Variants in ZNF430 observed in about 807,000 individuals in gnomAD.
ZNF430 encodes zinc finger protein 430.
A neutral mutation model predicts 56.7 loss-of-function variants in ZNF430; 35 were observed. That is an observed-to-expected ratio of 0.62 (90% CI 0.47 to 0.82). The LOEUF (loss-of-function observed/expected upper bound fraction) is 0.82. Among genes scored for constraint, ZNF430 ranks in the 40% least tolerant of loss-of-function variants. ZNF430 has a pLI of 0.00. For missense variants in ZNF430, 574 were observed against 661.0 expected (o/e 0.87, Z 1.44); for synonymous variants, 212 against 224.3 (o/e 0.94, Z 0.49).
At chr19:21,054,338 C>T (rs1366830893) in intron 4 of ZNF430, among the ~76,000 whole-genome samples, 1 of 151,306 alleles carries the variant, frequency 6.6e-6, no homozygotes, top group Non-Finnish European at 1.5e-5. Flanking sequence ...ATACGGAGTA[C>T]CAATGCACTT....
At chr19:21,046,758 C>A (rs1968191521) in intron 4 of ZNF430, among the ~76,000 whole-genome samples, 1 of 151,950 alleles carries the variant, frequency 6.6e-6, no homozygotes, top group Non-Finnish European at 1.5e-5. Context: ...TCTCTGGCTG[C>A]CTTATCATTT....
At position 21,057,740 on chromosome 19, in the gene ZNF430, A is replaced by G. The variant is rs375929956; in HGVS notation, c.1432A>G (p.Ile478Val). 5.6e-6 allele frequency: 9 copies of G among 1,605,612 alleles called. No homozygotes were observed. Among genetic ancestry groups the G allele is most frequent in the African/African-American group, 4.0e-5 (3 of 74,704 alleles). Reference sequence around the variant, plus strand: ...CCCAAAACTTACTGCACATAAGGTAATTCATTCTGGAGAGAAACCCTACAA... The same window carrying G: ...CCCAAAACTTACTGCACATAAGGTAGTTCATTCTGGAGAGAAACCCTACAA... ...RSPKLTAHKV[I>V]HSGEKPYKCE... is the part of the protein sequence containing the mutation. Residue 478 changes from isoleucine (I) to valine (V), a missense_variant, in exon 5 of 5, where the codon ATT (isoleucine) becomes GTT (valine). Ile to Val is a conservative substitution (Grantham distance 29, BLOSUM62 3). Transcript: ENST00000261560.
At chr19:21,037,840 ATGTCATTTCAAATGCTT>A (rs1422961861) in intron 4 of ZNF430, among the ~76,000 whole-genome samples, 1 of 152,118 alleles carries the variant, frequency 6.6e-6, no homozygotes, top group Non-Finnish European at 1.5e-5. Context: ...TTAATTTTGC[ATGTCATTTCAAATGCTT>A]TTTCCATTTG....
chr19:21,034,119 C>G lies in ZNF430; in HGVS notation c.257C>G (p.Thr86Ser). Residue 86 changes from threonine (T) to serine (S), a missense_variant, in exon 4 of 5, where the codon ACC becomes AGC. This residue lies in a region of ZNF430 where 346 missense variants were observed against 399.1 expected (regional missense o/e 0.87). Transcript: ENST00000261560. ...GIAVSKPDLI[T>S]CLEQGKEPWN... Reference sequence around the variant, plus strand: ...GCTGTTTCTAAGCCAGACCTGATCACCTGTCTAGAGCAAGGAAAAGAGCCC... The same window carrying G: ...GCTGTTTCTAAGCCAGACCTGATCAGCTGTCTAGAGCAAGGAAAAGAGCCC... 6.2e-7 allele frequency: 1 copy of G among 1,613,168 alleles called. No homozygotes were observed. Among genetic ancestry groups the G allele is most frequent in the African/African-American group, 1.3e-5 (1 of 74,932 alleles).
rs142495326 is a variant in ZNF430 at position 21,042,523 on chromosome 19, C to T, written c.322+8339C>T. Among the ~76,000 whole-genome samples the T allele has an allele frequency of 4.3e-4, 66 of 152,278 alleles. No individual in the cohort carries two copies. In the East Asian group the frequency reaches 0.012, roughly 27 times the overall value. On this transcript the variant is annotated intron_variant, in intron 4 of 4. Transcript: ENST00000261560. ...CGATTCTTGGCCGGGCACGGTGGCT[C>T]ACACCTGTAATCCCAGCACTTTGGG...
intron 4 of ZNF430, among the ~76,000 whole-genome samples, chr19:21,041,549 C>T (rs1568588576): frequency 6.6e-6 from 1 of 152,092 alleles, no homozygotes; most frequent in East Asian, 1.9e-4. Context: ...ACAGGATTTA[C>T]AAGTTTGTTA....
At chr19:21,030,746 A>G (rs1685361577) in intron 2 of ZNF430, among the ~76,000 whole-genome samples, 1 of 152,156 alleles carries the variant, frequency 6.6e-6, no homozygotes, top group Non-Finnish European at 1.5e-5. Flanking sequence ...ACACGCATTC[A>G]TGAACCCTTT....
chr19:21,022,908 C>T, intron 2 of ZNF430, 27 bp downstream of exon 2: 1 of 1,504,406 alleles, frequency 6.6e-7, no homozygotes, highest in South Asian at 1.1e-5. Context: ...TTAAAATTGT[C>T]TTCACCCAAC....
chr19:21,057,330 G>A lies in ZNF430; in HGVS notation c.1022G>A (p.Gly341Glu). 8 of 1,613,452 alleles carry A rather than the reference G, an allele frequency of 5.0e-6. No individual in the cohort carries two copies. Among genetic ancestry groups the A allele is most frequent in the Non-Finnish European group, 6.8e-6 (8 of 1,179,990 alleles). ...HLTTHKIIHT[G>E]EKPYKCEECG... is the part of the protein sequence containing the mutation. ...ACTACACATAAGATTATTCATACTGGAGAGAAACCCTACAAATGTGAAGAA... is the reference window on the plus strand; with the variant it reads ...ACTACACATAAGATTATTCATACTGAAGAGAAACCCTACAAATGTGAAGAA... The change falls in exon 5 of 5, where the codon GGA (glycine) becomes GAA (glutamate). Residue 341 changes from glycine to glutamate, a missense_variant. Gly to Glu is a moderately conservative substitution (Grantham distance 98). Coordinates refer to ENST00000261560, the MANE Select transcript of ZNF430 (RefSeq NM_025189.4).
rs770390261 is a variant in ZNF430, at chr19:21,057,321, T to C, written c.1013T>C (p.Ile338Thr). ...TCACACCTTACTACACATAAGATTA[T>C]TCATACTGGAGAGAAACCCTACAAA... The part of the protein sequence containing the change: ...RSSHLTTHKI[I>T]HTGEKPYKCE... The change falls in exon 5 of 5, where the codon ATT (isoleucine) becomes ACT (threonine). Residue 338 changes from isoleucine (I) to threonine (T), a missense_variant. Ile to Thr is a moderately conservative substitution (Grantham distance 89). Coordinates refer to ENST00000261560, the MANE Select transcript of ZNF430 (RefSeq NM_025189.4). The C allele has an allele frequency of 6.2e-7, 1 of 1,613,488 alleles. No homozygotes were observed. The highest frequency in any genetic ancestry group is 8.5e-7 in the Non-Finnish European group (1 of 1,179,972).
chr19:21,059,594 A>G lies in ZNF430; in HGVS notation c.*1573A>G, dbSNP rs891739821. ...AAGTTGGTAGAAAAATTATTTGTAT[A>G]TAACTTTAAAAGGAGTAGAAGGGCT... On this transcript the variant is annotated 3_prime_UTR_variant, in exon 5 of 5. Transcript: ENST00000261560. The G allele has an allele frequency of 2.0e-5, 3 of 151,890 alleles. No individual in the cohort carries two copies. Among genetic ancestry groups the G allele is most frequent in the Non-Finnish European group, 4.4e-5 (3 of 67,980 alleles). The allele number at this position is 151,890 out of a possible 1,614,324, so 9.4% of individuals were successfully genotyped here.
At position 21,058,073 on chromosome 19, in the gene ZNF430, C is replaced by T. The variant is rs1968414075; in HGVS notation, c.*52C>T. 6.7e-7 allele frequency: 1 copy of T among 1,501,104 alleles called. No individual in the cohort carries two copies. Among genetic ancestry groups the T allele is most frequent in the East Asian group, 2.3e-5 (1 of 43,796 alleles). 93.0% of individuals were successfully genotyped at this position (1,501,104 alleles called of 1,614,324 possible). ...CCTGAATTCTTACTAAACATAAGAACATTCATACTGAAGAGGAACCCTATG... is the reference window on the plus strand; with the variant it reads ...CCTGAATTCTTACTAAACATAAGAATATTCATACTGAAGAGGAACCCTATG... On this transcript the variant is annotated 3_prime_UTR_variant, in exon 5 of 5. Transcript: ENST00000261560.
intron 2 of ZNF430, among the ~76,000 whole-genome samples, chr19:21,026,611 G>A (rs1967801003): frequency 1.3e-5 from 2 of 152,042 alleles, no homozygotes; most frequent in Admixed American, 1.3e-4. Flanking sequence ...TTATGTTTTT[G>A]ATTTGGCTTT....
intron 2 of ZNF430, among the ~76,000 whole-genome samples, chr19:21,024,197 C>G (rs1286160050): frequency 6.6e-6 from 1 of 152,118 alleles, no homozygotes; most frequent in Non-Finnish European, 1.5e-5. Context: ...GTGGAAGAAG[C>G]TTTTCTGCTG....
chr19:21,045,709 G>A (rs1968176583), intron 4 of ZNF430, among the ~76,000 whole-genome samples: 1 of 152,158 alleles, frequency 6.6e-6, no homozygotes, highest in Non-Finnish European at 1.5e-5. Context: ...GTTTGTTTAA[G>A]TCCCTTTGTA....
chr19:21,029,264 C>T (rs1234195294), intron 2 of ZNF430, among the ~76,000 whole-genome samples: 1 of 151,928 alleles, frequency 6.6e-6, no homozygotes, highest in Non-Finnish European at 1.5e-5. Context: ...AAAATTGGGG[C>T]CACTGTTTTA....
In ZNF430 at chr19:21,056,662, G is replaced by C; in HGVS notation, c.354G>C (p.Trp118Cys). 1.9e-6 allele frequency: 3 copies of C among 1,552,476 alleles called. No homozygotes were observed. Among genetic ancestry groups the C allele is most frequent in the Non-Finnish European group, 1.7e-6 (2 of 1,150,792 alleles). The change falls in exon 5 of 5, where the codon TGG becomes TGC. Residue 118 changes from tryptophan to cysteine, a missense_variant. By Grantham distance (215) the Trp-to-Cys change is radical (BLOSUM62 -2). Transcript: ENST00000261560. ...ATTCTCATTTTGCCCAAGACCTTTG[G>C]CCAGAGCAGGGCATAAAAGATTCTT... ...VTYSHFAQDLWPEQGIKDSFQ... is the reference protein window; with the variant it reads ...VTYSHFAQDLCPEQGIKDSFQ...
chr19:21,037,348 C>T (rs544694554), intron 4 of ZNF430, among the ~76,000 whole-genome samples: 9 of 152,054 alleles, frequency 5.9e-5, no homozygotes, highest in Non-Finnish European at 1.2e-4. Flanking sequence ...AAACTCCTGA[C>T]CTCAGGTGAT....
intron 2 of ZNF430, among the ~76,000 whole-genome samples, chr19:21,030,944 A>G (rs12611213): frequency 0.52 from 78,628 of 151,966 alleles, 23,755 homozygotes; most frequent in East Asian, 0.74. Flanking sequence ...GTGCAATGGC[A>G]TAATCTCGGC....
Sources: allele counts gnomAD v4.1 joint callset (sites outside exome capture counted in the v4.1 genomes callset), GRCh38; gene constraint gnomAD v4.1.1; regional missense constraint gnomAD v4.1.1; transcripts MANE v1.5; gene names NCBI Gene and HGNC (gene_info 2026-07-23, HGNC 2026-07-21).